The following LRBA variants were observed in gnomAD, a reference collection of about 807,000 sequenced individuals.
The protein encoded by LRBA is LPS responsive beige-like anchor protein.
A neutral mutation model predicts 330.0 loss-of-function variants in LRBA; 176 were observed. The observed-to-expected ratio is 0.53, with a 90% CI of 0.47 to 0.60. The LOEUF is 0.60. Among genes scored for constraint, LRBA ranks in the 20% least tolerant of loss-of-function variants. The pLI, the probability that LRBA is intolerant of heterozygous loss-of-function variation, is 0.00. For missense variants in LRBA, 3,259 were observed against 3,444.8 expected (o/e 0.95, Z 1.35); for synonymous variants, 1,230 against 1,193.0 (o/e 1.03, Z -0.64).
intron 47 of LRBA, among the ~76,000 whole-genome samples, chr4:150,373,124 CGTGTGTGTGTGTGTGTGTGT>C (rs70937397): frequency 1.8e-4 from 17 of 96,368 alleles, no homozygotes; most frequent in African/African-American, 4.6e-4. Flanking sequence ...ACTACAATCT[CGTGTGTGTGTGTGTGTGTGT>C]GTGTGTGTGT....
At chr4:150,539,087 T>C (rs1288361349) in intron 40 of LRBA, among the ~76,000 whole-genome samples, 2 of 152,158 alleles carry the variant, frequency 1.3e-5, no homozygotes, top group East Asian at 3.9e-4. Flanking sequence ...GCAATTCTCC[T>C]GCTTCAGGCT....
chr4:150,603,215 C>T (rs1377391147), intron 37 of LRBA, among the ~76,000 whole-genome samples: 1 of 152,180 alleles, frequency 6.6e-6, no homozygotes, highest in Non-Finnish European at 1.5e-5. Context: ...ACTGGTGGAA[C>T]ATATGTCTTT....
intron 37 of LRBA, among the ~76,000 whole-genome samples, chr4:150,660,495 C>A (rs1293662730): frequency 6.6e-6 from 1 of 151,708 alleles, no homozygotes; most frequent in Admixed American, 6.6e-5. Flanking sequence ...GGTCAGCCCC[C>A]CCCGCCCGGC....
At position 150,914,285 on chromosome 4, in the gene LRBA, G is replaced by A. The variant is rs749749471; in HGVS notation, c.1071C>T (p.Phe357=). The A allele has an allele frequency of 5.9e-5, 95 of 1,602,396 alleles. No individual in the cohort carries two copies. Among genetic ancestry groups the A allele is most frequent in the Admixed American group, 3.4e-5 (2 of 59,310 alleles). The change falls in exon 9 of 57, where the codon TTC becomes TTT. Residue 357 remains phenylalanine (F), a synonymous_variant. Coordinates refer to ENST00000651943, the MANE Select transcript of LRBA (RefSeq NM_001364905.1). ...SSETADANRV[F]CGQMTAVYLF... ...GGTAAACTGCAGTCATCTGACCACA[G>A]AATACTCTATTAGCATCTGCTGTTT...
intron 2 of LRBA, among the ~76,000 whole-genome samples, chr4:151,009,006 TATATATATATATATATATATAA>T (rs1744486908): frequency 2.4e-4 from 5 of 21,228 alleles, no homozygotes; most frequent in African/African-American, 6.0e-4. Flanking sequence ...TATATATATA[TATATATATATATATATATATAA>T]AATGGTATTT....
chr4:150,781,034 C>G (rs2126591987), intron 34 of LRBA, among the ~76,000 whole-genome samples: 1 of 152,172 alleles, frequency 6.6e-6, no homozygotes, highest in African/African-American at 2.4e-5. Context: ...CGCCCACCAC[C>G]ACGCCTGGCT....
At chr4:150,870,264 C>T (rs77930914) in intron 20 of LRBA, among the ~76,000 whole-genome samples, 281 of 152,242 alleles carry the variant, frequency 1.8e-3, no homozygotes, top group Middle Eastern at 3.4e-3. Flanking sequence ...CAAAATTTTG[C>T]TGAAAGTCTG....
At chr4:150,564,058 A>G (rs920814506) in intron 40 of LRBA, among the ~76,000 whole-genome samples, 15 of 152,230 alleles carry the variant, frequency 9.9e-5, no homozygotes, top group African/African-American at 3.6e-4. Flanking sequence ...ATGGAACCAA[A>G]AAAGAGCCCA....
chr4:150,336,711 G>A (rs887730936), intron 48 of LRBA, among the ~76,000 whole-genome samples: 3 of 152,028 alleles, frequency 2.0e-5, no homozygotes, highest in Non-Finnish European at 4.4e-5. Context: ...TGCCTGTAAC[G>A]GAGCCCGTAC....
At chr4:150,824,095 T>G (rs1745876932) in intron 30 of LRBA, among the ~76,000 whole-genome samples, 1 of 152,130 alleles carries the variant, frequency 6.6e-6, no homozygotes, top group South Asian at 2.1e-4. Context: ...GGGGTCCTTT[T>G]TAGTTTTTGC....
At chr4:150,694,702 C>G (rs1041916846) in intron 36 of LRBA, among the ~76,000 whole-genome samples, 20 of 151,924 alleles carry the variant, frequency 1.3e-4, no homozygotes, top group Non-Finnish European at 2.4e-4. Context: ...CCCTTCCCCC[C>G]ATAACAGCAT....
intron 11 of LRBA, among the ~76,000 whole-genome samples, chr4:150,907,956 C>G (rs1731535625): frequency 6.6e-6 from 1 of 151,758 alleles, no homozygotes; most frequent in South Asian, 2.1e-4. Context: ...AAGTTAAGTT[C>G]CATAATAAAT....
In LRBA at chr4:150,578,869, C is replaced by T. The variant is rs1455424234; in HGVS notation, c.6330+9179G>A. Among the ~76,000 whole-genome samples, 5 of 152,194 alleles carry T rather than the reference C, an allele frequency of 3.3e-5. No homozygotes were observed. The East Asian group carries it at 9.6e-4, about 29-fold the overall frequency. On this transcript the variant is annotated intron_variant, in intron 40 of 56. Coordinates refer to ENST00000651943, the MANE Select transcript of LRBA (RefSeq NM_001364905.1). The stretch of plus-strand genomic sequence containing the variant: ...CTTTTTAGGAATGTCCTGCAGCTAG[C>T]CCAGCACCACAGCTCTGGGCTGAAG...
chr4:150,682,540 G>A (rs748934282), intron 37 of LRBA, among the ~76,000 whole-genome samples: 8 of 151,944 alleles, frequency 5.3e-5, no homozygotes, highest in Admixed American at 3.9e-4. Flanking sequence ...AATATCACAC[G>A]CTACATTTAT....
chr4:150,940,297 G>A (rs72719695), intron 2 of LRBA, among the ~76,000 whole-genome samples: 167 of 151,844 alleles, frequency 1.1e-3, no homozygotes, highest in Non-Finnish European at 1.7e-3. Flanking sequence ...AGCTACTCAG[G>A]AAGCTGAGGC....
intron 40 of LRBA, chr4:150,582,577 T>C (rs1771517342): frequency 1.2e-5 from 2 of 163,418 alleles, no homozygotes; most frequent in Non-Finnish European, 2.7e-5. Context: ...GTTTCGCTTT[T>C]ATTTTTAAAT....
intron 42 of LRBA, among the ~76,000 whole-genome samples, chr4:150,473,112 T>C (rs1756338848): frequency 6.6e-6 from 1 of 152,170 alleles, no homozygotes; most frequent in African/African-American, 2.4e-5. Context: ...ATGTATACAT[T>C]CATCTCCACA....
intron 40 of LRBA, among the ~76,000 whole-genome samples, chr4:150,541,569 T>C (rs929905534): frequency 6.7e-6 from 1 of 150,178 alleles, no homozygotes; most frequent in African/African-American, 2.5e-5. Context: ...ATAGAATAAA[T>C]GATTTTTTAA....
intron 42 of LRBA, among the ~76,000 whole-genome samples, chr4:150,486,334 T>C (rs1384546260): frequency 1.3e-5 from 2 of 151,898 alleles, no homozygotes; most frequent in African/African-American, 4.8e-5. Context: ...AATTTGGTTT[T>C]TTCTTCCTTT....
Sources: allele counts gnomAD v4.1 joint callset (sites outside exome capture counted in the v4.1 genomes callset), GRCh38; gene constraint gnomAD v4.1.1; transcripts MANE v1.5; gene names NCBI Gene and HGNC (gene_info 2026-07-23, HGNC 2026-07-21).